BCAR3: variants seen among roughly 807,000 people sequenced by gnomAD.
BCAR3 encodes breast cancer anti-estrogen resistance protein 3.
In BCAR3, 37 loss-of-function variants were observed where a neutral mutation model predicts 80.1. The observed-to-expected ratio is 0.46, with a 90% confidence interval of 0.36 to 0.61. BCAR3 has a LOEUF of 0.61. BCAR3 is among the 20% of genes least tolerant of loss of function. The pLI is 0.00. For synonymous variants in BCAR3, 389 were observed against 418.9 expected (o/e 0.93, Z 0.87); for missense variants, 978 against 1,068.2 (o/e 0.92, Z 1.18).
intron 3 of BCAR3, among the ~76,000 whole-genome samples, chr1:93,698,768 TA>T (rs1649523814): frequency 6.6e-6 from 1 of 152,240 alleles, no homozygotes; most frequent in Admixed American, 6.5e-5. Context: ...GTCTGTGGCC[TA>T]ATGTCAGGTG....
chr1:93,699,832 C>A (rs1387656722), intron 3 of BCAR3, among the ~76,000 whole-genome samples: 1 of 151,956 alleles, frequency 6.6e-6, no homozygotes, highest in African/African-American at 2.4e-5. Flanking sequence ...GGTGCACACA[C>A]ACACACACAC....
At chr1:93,652,144 G>A (rs1020201513) in intron 2 of BCAR3, among the ~76,000 whole-genome samples, 10 of 152,198 alleles carry the variant, frequency 6.6e-5, no homozygotes, top group Non-Finnish European at 1.2e-4. Flanking sequence ...AACCCAGCAA[G>A]GCCTGCTACG....
chr1:93,680,442 G>A (rs1274875625), intron 1 of BCAR3, among the ~76,000 whole-genome samples: 1 of 152,104 alleles, frequency 6.6e-6, no homozygotes, highest in African/African-American at 2.4e-5. Context: ...TTGTTACCCG[G>A]GTAGCCCCTT....
intron 3 of BCAR3, among the ~76,000 whole-genome samples, chr1:93,594,949 T>C (rs1391574828): frequency 2.0e-5 from 3 of 152,254 alleles, no homozygotes; most frequent in Admixed American, 1.3e-4. Flanking sequence ...TTTAGCACTT[T>C]ATATGCATCA....
At chr1:93,719,256 G>T (rs1177632156) in intron 2 of BCAR3, among the ~76,000 whole-genome samples, 1 of 151,686 alleles carries the variant, frequency 6.6e-6, no homozygotes. Context: ...GTTGTATGAG[G>T]GCCCTCTATT....
intron 2 of BCAR3, among the ~76,000 whole-genome samples, chr1:93,725,120 C>T (rs986603615): frequency 4.6e-5 from 7 of 152,332 alleles, no homozygotes; most frequent in Non-Finnish European, 8.8e-5. Context: ...AGTTCACCTC[C>T]TTCTCTTCAT....
intron 2 of BCAR3, among the ~76,000 whole-genome samples, chr1:93,671,923 G>A (rs1318539601): frequency 1.3e-5 from 2 of 151,952 alleles, no homozygotes; most frequent in Non-Finnish European, 2.9e-5. Flanking sequence ...ATTAATAGTA[G>A]TACAGAGCAG....
rs1168691874 is a variant in BCAR3 at position 93,786,187 on chromosome 1, C to T, written c.-63+59380G>A. 3.5e-4 allele frequency among the ~76,000 whole-genome samples: 19 copies of T among 54,366 alleles called. 4 individuals are homozygous for T. The East Asian group carries it at 7.1e-3, about 20-fold the overall frequency. The allele number at this position is 54,366 out of a possible 152,430, so 35.7% of individuals were successfully genotyped here. The stretch of plus-strand genomic sequence containing the variant: ...CCGCCTGGGCGTCAGAGCGAGACTC[C>T]GTCTCAAAAAAAAAAAAAAAAAAAA... On this transcript the variant is annotated intron_variant, in intron 2 of 13. Transcript: ENST00000370244.
At chr1:93,805,402 AG>A (rs1653623413) in intron 2 of BCAR3, among the ~76,000 whole-genome samples, 1 of 152,212 alleles carries the variant, frequency 6.6e-6, no homozygotes, top group Non-Finnish European at 1.5e-5. Context: ...AAGCCATTAA[AG>A]TTCTATATGT....
intron 2 of BCAR3, among the ~76,000 whole-genome samples, chr1:93,711,987 G>A (rs1442824560): frequency 2.6e-5 from 4 of 152,060 alleles, no homozygotes; most frequent in Admixed American, 6.5e-5. Flanking sequence ...ATTTGCACAG[G>A]CTTTGCAATC....
intron 2 of BCAR3, among the ~76,000 whole-genome samples, chr1:93,800,615 G>T (rs971632887): frequency 6.6e-6 from 1 of 151,884 alleles, no homozygotes; most frequent in East Asian, 1.9e-4. Flanking sequence ...AGGAAAGCAA[G>T]CATCAAGTTC....
intron 2 of BCAR3, among the ~76,000 whole-genome samples, chr1:93,756,595 C>T (rs1304824437): frequency 1.3e-5 from 2 of 152,184 alleles, no homozygotes; most frequent in African/African-American, 4.8e-5. Context: ...GCTAATTTTC[C>T]AATTCCAATT....
intron 2 of BCAR3, among the ~76,000 whole-genome samples, chr1:93,777,783 C>T (rs1440185043): frequency 6.6e-6 from 1 of 152,152 alleles, no homozygotes; most frequent in East Asian, 1.9e-4. Flanking sequence ...ATTCCCTTCT[C>T]CACTATTTGG....
At chr1:93,711,170 T>C (rs1650009731) in intron 2 of BCAR3, among the ~76,000 whole-genome samples, 1 of 152,256 alleles carries the variant, frequency 6.6e-6, no homozygotes, top group East Asian at 1.9e-4. Context: ...CCTTCTGCCA[T>C]GTGCCATTGT....
chr1:93,820,638 T>C lies in BCAR3; in HGVS notation c.-63+24929A>G, dbSNP rs142489348. Among the ~76,000 whole-genome samples the C allele has an allele frequency of 3.5e-3, 526 of 152,296 alleles. 1 individual carries two copies. The highest frequency in any genetic ancestry group is 6.0e-3 in the Non-Finnish European group (405 of 68,034). ...TCTCTGGGCATTTGCCTTCCTGACA[T>C]GTGGATGTGTTCACCAACCTGGAAG... On this transcript the variant is annotated intron_variant, in intron 2 of 13. Transcript: ENST00000370244.
intron 5 of BCAR3, among the ~76,000 whole-genome samples, chr1:93,585,846 C>T (rs1673920527): frequency 6.6e-6 from 1 of 152,180 alleles, no homozygotes; most frequent in East Asian, 1.9e-4. Context: ...TCAAGCAATC[C>T]TCCCACCTCA....
chr1:93,770,022 C>T (rs565708772), intron 2 of BCAR3, among the ~76,000 whole-genome samples: 2 of 152,118 alleles, frequency 1.3e-5, no homozygotes, highest in Non-Finnish European at 2.9e-5. Context: ...CCAGTGGAGG[C>T]TGGACTTTAT....
intron 7 of BCAR3, among the ~76,000 whole-genome samples, chr1:93,578,612 A>G (rs574915805): frequency 8.6e-5 from 13 of 152,020 alleles, no homozygotes; most frequent in African/African-American, 3.1e-4. Context: ...CCCCATCTCC[A>G]CACCCAACTC....
intron 3 of BCAR3, among the ~76,000 whole-genome samples, chr1:93,686,946 C>G (rs1009323387): frequency 4.6e-5 from 7 of 152,158 alleles, no homozygotes; most frequent in Non-Finnish European, 8.8e-5. Flanking sequence ...TCCCTGACAC[C>G]CAGCATAGGT....
Sources: gnomAD v4.1 joint callset for allele counts (sites outside exome capture counted in the v4.1 genomes callset) on GRCh38, gnomAD v4.1.1 for gene constraint, MANE v1.5 for transcripts, NCBI Gene and HGNC (gene_info 2026-07-23, HGNC 2026-07-21) for gene names.